TRPC7: variants seen among roughly 807,000 people sequenced by gnomAD.
TRPC7 encodes the protein short transient receptor potential channel 7.
TRPC7 carries 42 observed loss-of-function variants against 90.1 expected under a neutral mutation model. That is an observed-to-expected ratio of 0.47 (90% confidence interval 0.36 to 0.60). The LOEUF (loss-of-function observed/expected upper bound fraction) is 0.60, where lower values mean the gene tolerates loss of function less well. Among genes scored for constraint, TRPC7 ranks in the 20% least tolerant of loss-of-function variants. The probability of loss-of-function intolerance (pLI) is 0.00; values close to 1 mark genes in which losing one functional copy is unlikely to be tolerated. For missense variants in TRPC7, 955 were observed against 1,112.3 expected, an observed-to-expected ratio of 0.86 and a Z score of 2.01; for synonymous variants, 451 against 436.3, an observed-to-expected ratio of 1.03 and a Z score of -0.42.
chr5:136,295,319 T>C lies in TRPC7; in HGVS notation c.963+20278A>G, dbSNP rs187026166. 9.0e-3 allele frequency among the ~76,000 whole-genome samples: 1,369 copies of C among 152,288 alleles called. 9 individuals carry two copies. Among genetic ancestry groups the C allele is most frequent in the Non-Finnish European group, 0.014 (939 of 68,010 alleles). On this transcript the variant is annotated intron_variant, in intron 3 of 11. Coordinates refer to ENST00000513104, the MANE Select transcript of TRPC7 (RefSeq NM_020389.3). ...TAATAATAAAGAAAAACAAGTATTA[T>C]GTTGCTTTTATTAAAAATAATCTGG... is the stretch of plus-strand genomic sequence containing the variant.
chr5:136,325,304 T>G (rs534635480), intron 2 of TRPC7, among the ~76,000 whole-genome samples: 87 of 152,304 alleles, frequency 5.7e-4, no homozygotes, highest in African/African-American at 2.0e-3. Flanking sequence ...GAACAGGTAT[T>G]GTGCCACTGA....
chr5:136,234,122 T>A (rs1014523044), intron 7 of TRPC7, among the ~76,000 whole-genome samples: 1 of 152,148 alleles, frequency 6.6e-6, no homozygotes, highest in African/African-American at 2.4e-5. Context: ...GTACTGCACA[T>A]CTGTTTTATT....
chr5:136,325,881 C>T (rs534601141), intron 2 of TRPC7, among the ~76,000 whole-genome samples: 6 of 152,302 alleles, frequency 3.9e-5, no homozygotes, highest in African/African-American at 1.4e-4. Context: ...CATCTCTCCA[C>T]CTGAGTAACA....
intron 10 of TRPC7, among the ~76,000 whole-genome samples, chr5:136,223,548 G>T (rs542812098): frequency 1.3e-5 from 2 of 152,094 alleles, no homozygotes; most frequent in East Asian, 3.9e-4. Flanking sequence ...GGGAGGCGGA[G>T]GTTGCAGCGA....
chr5:136,223,419 G>C (rs1755523184), intron 10 of TRPC7, among the ~76,000 whole-genome samples: 1 of 152,062 alleles, frequency 6.6e-6, no homozygotes, highest in African/African-American at 2.4e-5. Context: ...TTTGAGACCA[G>C]CCTGACCAAC....
intron 3 of TRPC7, among the ~76,000 whole-genome samples, chr5:136,307,560 T>A (rs1025153350): frequency 6.6e-6 from 1 of 152,260 alleles, no homozygotes; most frequent in Non-Finnish European, 1.5e-5. Context: ...TAAGAGGTTA[T>A]AGCCTGGATC....
intron 3 of TRPC7, among the ~76,000 whole-genome samples, chr5:136,292,459 G>A (rs1476540603): frequency 6.6e-6 from 1 of 152,128 alleles, no homozygotes; most frequent in Admixed American, 6.5e-5. Context: ...TGATAAAGGA[G>A]ATATCACCAC....
intron 3 of TRPC7, among the ~76,000 whole-genome samples, chr5:136,286,711 C>T (rs1232325951): frequency 6.6e-6 from 1 of 152,198 alleles, no homozygotes; most frequent in Non-Finnish European, 1.5e-5. Context: ...AAGTTTTATG[C>T]ACCAAAAGAT....
At chr5:136,238,688 G>A (rs1050727098) in intron 7 of TRPC7, among the ~76,000 whole-genome samples, 13 of 152,212 alleles carry the variant, frequency 8.5e-5, no homozygotes, top group African/African-American at 2.4e-4. Context: ...AGAGGGTGCC[G>A]TGAAGCCAGC....
intron 3 of TRPC7, among the ~76,000 whole-genome samples, chr5:136,284,936 C>A (rs2149820710): frequency 6.6e-6 from 1 of 152,266 alleles, no homozygotes; most frequent in East Asian, 1.9e-4. Flanking sequence ...TTACTTCACC[C>A]CTGAGCTGTG....
At chr5:136,346,895 T>C (rs560152656) in intron 2 of TRPC7, among the ~76,000 whole-genome samples, 2 of 152,182 alleles carry the variant, frequency 1.3e-5, no homozygotes, top group Non-Finnish European at 2.9e-5. Context: ...TATTTGGAAA[T>C]AGGATATTTG....
chr5:136,276,636 T>G (rs1225761086), intron 3 of TRPC7, among the ~76,000 whole-genome samples: 1 of 152,234 alleles, frequency 6.6e-6, no homozygotes, highest in African/African-American at 2.4e-5. Context: ...AAATATTAGA[T>G]GCAAATGAGG....
intron 2 of TRPC7, among the ~76,000 whole-genome samples, chr5:136,341,188 G>T (rs1759832919): frequency 6.6e-6 from 1 of 152,102 alleles, no homozygotes; most frequent in Non-Finnish European, 1.5e-5. Context: ...GTTTAATATA[G>T]AACTGTTTAT....
At chr5:136,269,194 C>A (rs1757126393) in intron 4 of TRPC7, among the ~76,000 whole-genome samples, 1 of 152,162 alleles carries the variant, frequency 6.6e-6, no homozygotes, top group African/African-American at 2.4e-5. Context: ...GCAGTTCAGT[C>A]ATTACTAGGA....
chr5:136,324,058 A>G (rs1224037752), intron 2 of TRPC7, among the ~76,000 whole-genome samples: 1 of 151,638 alleles, frequency 6.6e-6, no homozygotes. Flanking sequence ...CTAGTATTTC[A>G]TTTTTTCAGC....
At chr5:136,296,835 C>T (rs1335770042) in intron 3 of TRPC7, among the ~76,000 whole-genome samples, 1 of 152,148 alleles carries the variant, frequency 6.6e-6, no homozygotes, top group Non-Finnish European at 1.5e-5. Context: ...CTGCAGACAA[C>T]CTGGAGGCCG....
intron 2 of TRPC7, among the ~76,000 whole-genome samples, chr5:136,347,805 G>A (rs28406771): frequency 0.024 from 3,686 of 152,266 alleles, 161 homozygotes; most frequent in African/African-American, 0.084. Flanking sequence ...TCTCTGTTCT[G>A]CTTCCTGTCC....
chr5:136,317,743 T>C (rs1759066051), intron 2 of TRPC7, among the ~76,000 whole-genome samples: 1 of 152,216 alleles, frequency 6.6e-6, no homozygotes, highest in South Asian at 2.1e-4. Context: ...ACCTCATTTC[T>C]TGATGGAAAC....
At chr5:136,285,890 C>A (rs1757696826) in intron 3 of TRPC7, among the ~76,000 whole-genome samples, 1 of 152,164 alleles carries the variant, frequency 6.6e-6, no homozygotes, top group Admixed American at 6.5e-5. Context: ...ACAACCCTGC[C>A]CAAAGTAGAA....
Sources: gnomAD v4.1 joint callset for allele counts (sites outside exome capture counted in the v4.1 genomes callset) on GRCh38, gnomAD v4.1.1 for gene constraint, MANE v1.5 for transcripts, NCBI Gene and HGNC (gene_info 2026-07-23, HGNC 2026-07-21) for gene names.